CAMKMT: variants seen among roughly 807,000 people sequenced by gnomAD.
CAMKMT encodes the protein calmodulin-lysine N-methyltransferase.
Under a neutral mutation model 48.0 loss-of-function variants are expected in CAMKMT, and 53 were observed. The ratio of observed to expected loss-of-function variants is 1.10; its 90% CI spans 0.89 to 1.39. The LOEUF (loss-of-function observed/expected upper bound fraction) is 1.39, where lower values mean the gene tolerates loss of function less well. Among genes scored for constraint, CAMKMT ranks in the 40% most tolerant of loss-of-function variants. CAMKMT has a pLI of 0.00. For missense variants in CAMKMT, 428 were observed against 402.7 expected (o/e 1.06, Z -0.54); for synonymous variants, 165 against 152.3 (o/e 1.08, Z -0.61).
intron 1 of CAMKMT, among the ~76,000 whole-genome samples, chr2:44,369,096 C>T (rs758175894): frequency 7.9e-5 from 12 of 152,072 alleles, no homozygotes; most frequent in Non-Finnish European, 1.5e-4. Context: ...GTTGGCCAGG[C>T]TGGTATCGAA....
At chr2:44,553,317 T>A (rs186052152) in intron 3 of CAMKMT, among the ~76,000 whole-genome samples, 1 of 152,242 alleles carries the variant, frequency 6.6e-6, no homozygotes, top group East Asian at 1.9e-4. Flanking sequence ...TTATATATAG[T>A]TTTATCCATT....
chr2:44,521,275 T>C (rs1671093482), intron 3 of CAMKMT, among the ~76,000 whole-genome samples: 1 of 152,132 alleles, frequency 6.6e-6, no homozygotes, highest in Admixed American at 6.5e-5. Context: ...GTAGGCACTA[T>C]TATCCCAATA....
At position 44,772,045 on chromosome 2, in the gene CAMKMT, G is replaced by A. The variant is rs1185558696; in HGVS notation, c.904G>A (p.Glu302Lys). The A allele has an allele frequency of 1.2e-6, 2 of 1,612,586 alleles. No individual in the cohort carries two copies. Among genetic ancestry groups the A allele is most frequent in the Non-Finnish European group, 1.7e-6 (2 of 1,179,292 alleles). Residue 302 changes from glutamate (E) to lysine (K), a missense_variant, in exon 11 of 11, where the codon GAA (glutamate) becomes AAA (lysine). By Grantham distance (56) the Glu-to-Lys change is moderately conservative (BLOSUM62 1). Coordinates refer to ENST00000378494, the MANE Select transcript of CAMKMT (RefSeq NM_024766.5). Reference sequence around the variant, plus strand: ...CTATTATTGTTTTCAGTTGAAAAAGGAAAACCCGGACATATATGAAGAAAA... The same window carrying A: ...CTATTATTGTTTTCAGTTGAAAAAGAAAAACCCGGACATATATGAAGAAAA... ...ISNFHSKLKK[E>K]NPDIYEENLH...
chr2:44,363,733 A>G (rs2104326221), intron 1 of CAMKMT, among the ~76,000 whole-genome samples: 1 of 137,558 alleles, frequency 7.3e-6, no homozygotes, highest in Non-Finnish European at 1.5e-5. Context: ...TGTGTTGCCC[A>G]GACGTGAGTG....
At chr2:44,760,316 G>T (rs536981334) in intron 9 of CAMKMT, among the ~76,000 whole-genome samples, 2 of 152,256 alleles carry the variant, frequency 1.3e-5, no homozygotes, top group South Asian at 4.2e-4. Context: ...CAAGAAGTTT[G>T]CTCTGGCTGG....
At chr2:44,756,739 C>T (rs1029052405) in intron 9 of CAMKMT, among the ~76,000 whole-genome samples, 4 of 141,408 alleles carry the variant, frequency 2.8e-5, no homozygotes, top group African/African-American at 1.1e-4. Flanking sequence ...AAGACTCTGT[C>T]TCAAAAAAAA....
chr2:44,626,207 T>A (rs1672473871), intron 3 of CAMKMT, among the ~76,000 whole-genome samples: 1 of 152,198 alleles, frequency 6.6e-6, no homozygotes, highest in South Asian at 2.1e-4. Context: ...GTTAGTAGTG[T>A]TTTGTAGTTT....
chr2:44,643,911 C>T (rs1281208993), intron 3 of CAMKMT, among the ~76,000 whole-genome samples: 4 of 152,102 alleles, frequency 2.6e-5, no homozygotes, highest in Admixed American at 6.6e-5. Context: ...TTAGAGTTAG[C>T]GACAAACTGT....
At chr2:44,433,184 A>C (rs1254396254) in intron 3 of CAMKMT, among the ~76,000 whole-genome samples, 1 of 152,152 alleles carries the variant, frequency 6.6e-6, no homozygotes, top group Non-Finnish European at 1.5e-5. Context: ...GGAGTATTTA[A>C]ATACAGTGGA....
chr2:44,396,742 A>T (rs1247192029), intron 3 of CAMKMT, among the ~76,000 whole-genome samples: 1 of 137,506 alleles, frequency 7.3e-6, no homozygotes, highest in African/African-American at 2.8e-5. Flanking sequence ...TTACCTTTCT[A>T]AAAAAAAAAA....
intron 3 of CAMKMT, among the ~76,000 whole-genome samples, chr2:44,683,475 G>C (rs1676136148): frequency 6.6e-6 from 1 of 152,160 alleles, no homozygotes; most frequent in African/African-American, 2.4e-5. Context: ...CAAGCCCCTG[G>C]ATCCTTTAGA....
chr2:44,601,671 T>A (rs1271240315), intron 3 of CAMKMT, among the ~76,000 whole-genome samples: 1 of 152,012 alleles, frequency 6.6e-6, no homozygotes. Context: ...CTTACTATTC[T>A]CTAAATTCCA....
intron 3 of CAMKMT, among the ~76,000 whole-genome samples, chr2:44,641,055 A>G (rs986416580): frequency 3.3e-5 from 5 of 152,124 alleles, no homozygotes; most frequent in African/African-American, 1.2e-4. Flanking sequence ...ATCTCTTTCA[A>G]ACACACAGAG....
At chr2:44,537,430 C>G (rs142652038) in intron 3 of CAMKMT, among the ~76,000 whole-genome samples, 3 of 152,228 alleles carry the variant, frequency 2.0e-5, no homozygotes, top group African/African-American at 7.2e-5. Flanking sequence ...TTTCACATGA[C>G]TAATCATCAG....
intron 3 of CAMKMT, among the ~76,000 whole-genome samples, chr2:44,588,872 T>TG (rs1351505529): frequency 1.1e-4 from 2 of 17,686 alleles, no homozygotes; most frequent in African/African-American, 2.6e-4. Flanking sequence ...GGGAGGGAGG[T>TG]GGGGGGTCAG....
At chr2:44,369,835 A>G (rs1176537112) in intron 1 of CAMKMT, 1 of 152,228 alleles carries the variant, frequency 6.6e-6, no homozygotes, top group African/African-American at 2.4e-5. Flanking sequence ...TATCTTTACA[A>G]CTATTCTAAG....
At chr2:44,638,355 CG>C (rs1673259800) in intron 3 of CAMKMT, among the ~76,000 whole-genome samples, 1 of 152,076 alleles carries the variant, frequency 6.6e-6, no homozygotes, top group Non-Finnish European at 1.5e-5. Flanking sequence ...GATTCCCCCT[CG>C]TAAAATCTAA....
At chr2:44,683,158 T>C (rs892789581) in intron 3 of CAMKMT, among the ~76,000 whole-genome samples, 1 of 152,060 alleles carries the variant, frequency 6.6e-6, no homozygotes, top group African/African-American at 2.4e-5. Context: ...AGCCAGTGTA[T>C]TGGAGCATGG....
At chr2:44,639,703 G>A (rs1053375844) in intron 3 of CAMKMT, among the ~76,000 whole-genome samples, 32 of 152,150 alleles carry the variant, frequency 2.1e-4, no homozygotes, top group African/African-American at 7.0e-4. Flanking sequence ...TTGGATGCTG[G>A]ATATTTTGAG....
Sources: allele counts gnomAD v4.1 joint callset (sites outside exome capture counted in the v4.1 genomes callset), GRCh38; gene constraint gnomAD v4.1.1; transcripts MANE v1.5; gene names NCBI Gene and HGNC (gene_info 2026-07-23, HGNC 2026-07-21).